KIAA1328: variants seen among roughly 807,000 people sequenced by gnomAD.
KIAA1328 encodes the protein protein hinderin.
KIAA1328 carries 52 observed loss-of-function variants against 68.1 expected under a neutral mutation model. The ratio of observed to expected loss-of-function variants is 0.76; its 90% CI spans 0.61 to 0.96. The LOEUF is 0.96. Ranked by LOEUF, KIAA1328 falls within the 40% of genes least tolerant of loss-of-function variation. KIAA1328 has a pLI of 0.00. For synonymous variants in KIAA1328, 232 were observed against 239.4 expected (o/e 0.97, Z 0.28); for missense variants, 641 against 677.6 (o/e 0.95, Z 0.60).
At chr18:37,092,147 A>C (rs1240735961) in intron 7 of KIAA1328, among the ~76,000 whole-genome samples, 2 of 151,998 alleles carry the variant, frequency 1.3e-5, no homozygotes, top group Non-Finnish European at 2.9e-5. Flanking sequence ...ATGCCCACCC[A>C]GCCCACTGCT....
intron 7 of KIAA1328, among the ~76,000 whole-genome samples, chr18:37,157,727 T>C (rs2059183086): frequency 6.8e-6 from 1 of 147,074 alleles, no homozygotes; most frequent in South Asian, 2.1e-4. Flanking sequence ...GAGAATCACT[T>C]GACCTGGAAG....
chr18:37,070,065 A>G (rs1168353716), intron 7 of KIAA1328, among the ~76,000 whole-genome samples: 1 of 152,012 alleles, frequency 6.6e-6, no homozygotes, highest in African/African-American at 2.4e-5. Context: ...TATCTTTTGA[A>G]ACTTCCTATT....
chr18:36,895,977 C>T (rs1213588973), intron 5 of KIAA1328, among the ~76,000 whole-genome samples: 1 of 152,124 alleles, frequency 6.6e-6, no homozygotes, highest in Non-Finnish European at 1.5e-5. Context: ...CTTCCAGCCT[C>T]CAGAACTGTG....
chr18:37,031,213 G>A (rs1330367316), intron 6 of KIAA1328, among the ~76,000 whole-genome samples: 2 of 152,048 alleles, frequency 1.3e-5, no homozygotes, highest in Non-Finnish European at 2.9e-5. Flanking sequence ...GTGTTGTTCA[G>A]GTCTTCTGTA....
chr18:37,184,106 G>A lies in KIAA1328; in HGVS notation c.1523+11025G>A, dbSNP rs149948685. Among the ~76,000 whole-genome samples, 446 of 152,260 alleles carry A rather than the reference G, an allele frequency of 2.9e-3. 1 individual carries two copies. Among genetic ancestry groups the A allele is most frequent in the Non-Finnish European group, 5.1e-3 (345 of 68,006 alleles). ...GAATTAGTGAATGGTCATAAACAAAGTGAATATTTCTTTTTAACTTACCAG... is the reference window on the plus strand; with the variant it reads ...GAATTAGTGAATGGTCATAAACAAAATGAATATTTCTTTTTAACTTACCAG... On this transcript the variant is annotated intron_variant, in intron 9 of 9. Coordinates refer to ENST00000280020, the MANE Select transcript of KIAA1328 (RefSeq NM_020776.3).
At chr18:37,026,968 A>G (rs952357963) in intron 6 of KIAA1328, among the ~76,000 whole-genome samples, 2 of 152,196 alleles carry the variant, frequency 1.3e-5, no homozygotes, top group African/African-American at 4.8e-5. Context: ...GTATATCTAG[A>G]AAACCCCATC....
chr18:37,041,335 G>C (rs1007822448), intron 6 of KIAA1328, among the ~76,000 whole-genome samples: 1 of 152,006 alleles, frequency 6.6e-6, no homozygotes, highest in Non-Finnish European at 1.5e-5. Context: ...CAAGCTTAAA[G>C]TTTGATATTA....
chr18:36,916,728 G>A (rs1293408284), intron 5 of KIAA1328, among the ~76,000 whole-genome samples: 1 of 152,128 alleles, frequency 6.6e-6, no homozygotes. Context: ...TTTCCTGACA[G>A]CAGTTAATGA....
chr18:37,213,565 T>C (rs982635982), intron 9 of KIAA1328, among the ~76,000 whole-genome samples: 2 of 152,242 alleles, frequency 1.3e-5, no homozygotes, highest in African/African-American at 4.8e-5. Context: ...ACATTTGGGT[T>C]GGTTCTAAGT....
At chr18:37,052,261 A>G (rs1007609053) in intron 6 of KIAA1328, among the ~76,000 whole-genome samples, 1 of 152,206 alleles carries the variant, frequency 6.6e-6, no homozygotes, top group East Asian at 1.9e-4. Flanking sequence ...ACCTCAATAG[A>G]TGCAGAAAAA....
chr18:36,891,767 A>C (rs1181341400), intron 5 of KIAA1328, among the ~76,000 whole-genome samples: 1 of 152,186 alleles, frequency 6.6e-6, no homozygotes, highest in Non-Finnish European at 1.5e-5. Context: ...TGCTATAAAC[A>C]TCCATGTGCA....
In KIAA1328 at chr18:37,084,483, T is replaced by G. The variant is rs111960458; in HGVS notation, c.1232+16938T>G. Reference sequence around the variant, plus strand: ...ATTTCTTTTTTGTTTTTTGTTTTTTTTTTTTTTTTGGTGCGGTATTATAGT... The same window carrying G: ...ATTTCTTTTTTGTTTTTTGTTTTTTGTTTTTTTTTGGTGCGGTATTATAGT... On this transcript the variant is annotated intron_variant, in intron 7 of 9. Coordinates refer to ENST00000280020, the MANE Select transcript of KIAA1328 (RefSeq NM_020776.3). 413 of 243,616 alleles carry G rather than the reference T, an allele frequency of 1.7e-3. 4 individuals carry two copies. Among genetic ancestry groups the G allele is most frequent in the African/African-American group, 5.2e-3 (230 of 44,394 alleles). 15.1% of individuals were successfully genotyped at this position (243,616 alleles called of 1,614,324 possible).
At chr18:36,948,020 T>TC (rs2050971769) in intron 5 of KIAA1328, among the ~76,000 whole-genome samples, 1 of 152,094 alleles carries the variant, frequency 6.6e-6, no homozygotes, top group Admixed American at 6.6e-5. Flanking sequence ...GACCTCCCCT[T>TC]CCCATCATGG....
intron 1 of KIAA1328, 140 bp from the exon 2 acceptor site, chr18:36,834,180 C>T: frequency 8.4e-7 from 1 of 1,196,186 alleles, no homozygotes; most frequent in Non-Finnish European, 1.1e-6. Flanking sequence ...AATTACTTTG[C>T]TTTCTAACTT....
chr18:37,096,251 C>T (rs561908385), intron 7 of KIAA1328, among the ~76,000 whole-genome samples: 19 of 152,258 alleles, frequency 1.2e-4, no homozygotes, highest in Non-Finnish European at 2.4e-4. Context: ...CAACAGGCCC[C>T]GCTGTGTGAT....
intron 6 of KIAA1328, among the ~76,000 whole-genome samples, chr18:36,984,656 C>T (rs2052835637): frequency 6.6e-6 from 1 of 151,934 alleles, no homozygotes; most frequent in Admixed American, 6.6e-5. Context: ...GCCTGTAATC[C>T]CAGAACTTTG....
intron 6 of KIAA1328, among the ~76,000 whole-genome samples, chr18:37,014,572 C>T (rs1206241155): frequency 6.6e-6 from 1 of 152,152 alleles, no homozygotes; most frequent in Non-Finnish European, 1.5e-5. Flanking sequence ...ATGGCAGGAC[C>T]TGCTTCTGAG....
At chr18:37,116,243 C>A (rs1297665994) in intron 7 of KIAA1328, among the ~76,000 whole-genome samples, 1 of 152,168 alleles carries the variant, frequency 6.6e-6, no homozygotes, top group Non-Finnish European at 1.5e-5. Flanking sequence ...AGGCATCATG[C>A]TACCTGACTT....
chr18:37,067,964 G>A (rs2056404670), intron 7 of KIAA1328, among the ~76,000 whole-genome samples: 1 of 152,048 alleles, frequency 6.6e-6, no homozygotes, highest in Admixed American at 6.6e-5. Context: ...CTGGATCTTG[G>A]CTTACTCGAG....
Sources: gnomAD v4.1 joint callset for allele counts (sites outside exome capture counted in the v4.1 genomes callset) on GRCh38, gnomAD v4.1.1 for gene constraint, MANE v1.5 for transcripts, NCBI Gene and HGNC (gene_info 2026-07-23, HGNC 2026-07-21) for gene names.